The following IGFBP2 variants were observed in gnomAD, a reference collection of about 807,000 sequenced individuals.
IGFBP2 encodes the protein insulin like growth factor binding protein 2.
In IGFBP2, 12 loss-of-function variants were observed where a neutral mutation model predicts 26.2. That is an observed-to-expected ratio of 0.46 (90% CI 0.29 to 0.74). The LOEUF (loss-of-function observed/expected upper bound fraction) is 0.74. Ranked by LOEUF, IGFBP2 falls within the 30% of genes least tolerant of loss-of-function variation. The probability of loss-of-function intolerance (pLI) is 0.09; values close to 1 mark genes in which losing one functional copy is unlikely to be tolerated. For synonymous variants in IGFBP2, 189 were observed against 200.6 expected, an observed-to-expected ratio of 0.94 and a Z score of 0.49; for missense variants, 328 against 441.2, an observed-to-expected ratio of 0.74 and a Z score of 2.30.
At chr2:216,645,422 G>T (rs146994793) in intron 1 of IGFBP2, among the ~76,000 whole-genome samples, 1 of 152,304 alleles carries the variant, frequency 6.6e-6, no homozygotes, top group African/African-American at 2.4e-5. Flanking sequence ...AAGTGACCAG[G>T]TGCCATCTGG....
At chr2:216,653,063 T>A (rs1697857998) in intron 1 of IGFBP2, among the ~76,000 whole-genome samples, 1 of 152,196 alleles carries the variant, frequency 6.6e-6, no homozygotes, top group Admixed American at 6.5e-5. Context: ...CATGAGCTGT[T>A]AGGAAGATGT....
chr2:216,654,132 GGAGTTC>G (rs1163309730), intron 1 of IGFBP2, among the ~76,000 whole-genome samples: 1 of 152,194 alleles, frequency 6.6e-6, no homozygotes, highest in Non-Finnish European at 1.5e-5. Context: ...ATCTCTAGCT[GGAGTTC>G]GACATCTGGA....
At chr2:216,639,404 AT>A (rs1223538250) in intron 1 of IGFBP2, among the ~76,000 whole-genome samples, 1 of 152,128 alleles carries the variant, frequency 6.6e-6, no homozygotes, top group Non-Finnish European at 1.5e-5. Context: ...GAACAGGTAA[AT>A]ACCTATGATG....
chr2:216,641,908 T>A (rs1697623318), intron 1 of IGFBP2, among the ~76,000 whole-genome samples: 1 of 151,554 alleles, frequency 6.6e-6, no homozygotes. Context: ...GCCAGGATGG[T>A]CTCGATCTCC....
At chr2:216,649,355 T>A (rs1213338418) in intron 1 of IGFBP2, among the ~76,000 whole-genome samples, 1 of 152,260 alleles carries the variant, frequency 6.6e-6, no homozygotes, top group African/African-American at 2.4e-5. Flanking sequence ...TTGCTAATAG[T>A]GTTTTTACAA....
chr2:216,661,107 T>G, intron 2 of IGFBP2: 1 of 357,614 alleles, frequency 2.8e-6, no homozygotes, highest in Non-Finnish European at 5.2e-6. Context: ...TACTCTTTTT[T>G]TTTTCCTCCC....
intron 1 of IGFBP2, among the ~76,000 whole-genome samples, chr2:216,655,697 C>T (rs754253796): frequency 3.3e-5 from 5 of 152,076 alleles, no homozygotes; most frequent in Non-Finnish European, 5.9e-5. Context: ...GAGTTCAAGA[C>T]CAGCCTGGCC....
chr2:216,661,534 G>A, intron 2 of IGFBP2: 1 of 422,772 alleles, frequency 2.4e-6, no homozygotes, highest in Admixed American at 3.5e-5. Context: ...GGCATGGGGT[G>A]GGGGCATGGA....
chr2:216,664,134 G>A lies in IGFBP2; in HGVS notation c.*30G>A. The A allele has an allele frequency of 6.6e-7, 1 of 1,508,338 alleles. No individual in the cohort carries two copies. The highest frequency in any genetic ancestry group is 8.9e-7 in the Non-Finnish European group (1 of 1,122,468). The allele number at this position is 1,508,338 out of a possible 1,614,324, so 93.4% of individuals were successfully genotyped here. ...CAGCCAGCCGGTGCCTGGCGCCCCT[G>A]CCCCCCGCCCCTCTCCAAACACCGG... is the stretch of plus-strand genomic sequence containing the variant. On this transcript the variant is annotated 3_prime_UTR_variant, in exon 4 of 4. Transcript: ENST00000233809. This position sits in a 1 kb window ranked among gnomAD's most constrained non-coding sequence, Gnocchi z 4.6.
intron 1 of IGFBP2, among the ~76,000 whole-genome samples, chr2:216,658,047 G>A (rs1697951792): frequency 6.6e-6 from 1 of 152,164 alleles, no homozygotes. Flanking sequence ...GTAAGACATG[G>A]AAATCCCCAG....
At position 216,664,230 on chromosome 2, in the gene IGFBP2, G is replaced by A. The variant is rs1559182222; in HGVS notation, c.*126G>A. 1.3e-6 allele frequency: 1 copy of A among 771,948 alleles called. No individual in the cohort carries two copies. The highest frequency in any genetic ancestry group is 1.9e-6 in the Non-Finnish European group (1 of 513,194). The allele number at this position is 771,948 out of a possible 1,614,324, so 47.8% of individuals were successfully genotyped here. A position where few individuals can be genotyped will look rare whatever the true frequency, so the allele number is the denominator to read the frequency against. ...AGTTCTGACACACGTATTTATATTT[G>A]GAAAGAGACCAGCACCGAGCTCGGC... is the stretch of plus-strand genomic sequence containing the variant. On this transcript the variant is annotated 3_prime_UTR_variant, in exon 4 of 4. Coordinates refer to ENST00000233809, the MANE Select transcript of IGFBP2 (RefSeq NM_000597.3). The surrounding 1 kb of genome is among the most constrained non-coding windows in gnomAD (Gnocchi z 4.6).
rs145212210 is a variant in IGFBP2, at chr2:216,647,811, C to T, written c.443-12746C>T. 8.4e-3 allele frequency among the ~76,000 whole-genome samples: 1,275 copies of T among 152,244 alleles called. 23 individuals carry two copies. The highest frequency in any genetic ancestry group is 0.029 in the African/African-American group (1,201 of 41,542). Reference sequence around the variant, plus strand: ...CTGGGATTACAGGGGTGAGCCACTGCGCCCGGCCCTTATTTATTTGTTTTT... The same window carrying T: ...CTGGGATTACAGGGGTGAGCCACTGTGCCCGGCCCTTATTTATTTGTTTTT... On this transcript the variant is annotated intron_variant, in intron 1 of 3. Transcript: ENST00000233809.
At chr2:216,645,640 A>G (rs1359108259) in intron 1 of IGFBP2, among the ~76,000 whole-genome samples, 1 of 152,228 alleles carries the variant, frequency 6.6e-6, no homozygotes, top group Non-Finnish European at 1.5e-5. Flanking sequence ...GATTCTTGCA[A>G]TACAGGAGAA....
intron 1 of IGFBP2, among the ~76,000 whole-genome samples, chr2:216,652,323 G>A (rs1037257458): frequency 2.6e-5 from 4 of 152,186 alleles, no homozygotes; most frequent in South Asian, 2.1e-4. Context: ...ACAGGCATGC[G>A]CCACCATGCC....
At chr2:216,647,647 G>A (rs1010268619) in intron 1 of IGFBP2, among the ~76,000 whole-genome samples, 1 of 152,052 alleles carries the variant, frequency 6.6e-6, no homozygotes. Context: ...AGCCTCCTGA[G>A]TAGCTGGGAC....
chr2:216,655,212 A>G (rs1027612896), intron 1 of IGFBP2, among the ~76,000 whole-genome samples: 3 of 151,786 alleles, frequency 2.0e-5, no homozygotes, highest in Non-Finnish European at 4.4e-5. Flanking sequence ...ATGCCTGGCT[A>G]TTTTTTTATT....
chr2:216,639,194 G>T (rs575052589), intron 1 of IGFBP2, among the ~76,000 whole-genome samples: 12 of 151,818 alleles, frequency 7.9e-5, no homozygotes, highest in African/African-American at 2.9e-4. Context: ...CACCATACAC[G>T]GTTAATATTT....
chr2:216,661,368 C>T (rs911694669), intron 2 of IGFBP2: 22 of 282,368 alleles, frequency 7.8e-5, no homozygotes, highest in African/African-American at 1.1e-4. Context: ...CCTCCCGAAG[C>T]GCTGGGATTA....
intron 1 of IGFBP2, among the ~76,000 whole-genome samples, chr2:216,655,578 C>T (rs1433338495): frequency 2.0e-5 from 3 of 152,150 alleles, no homozygotes; most frequent in African/African-American, 7.2e-5. Flanking sequence ...TACCCAGTCT[C>T]AGGCAGTTTT....
Sources: gnomAD v4.1 joint callset for allele counts (sites outside exome capture counted in the v4.1 genomes callset) on GRCh38, gnomAD v4.1.1 for gene constraint, Gnocchi (gnomAD v3.1) non-coding constraint, MANE v1.5 for transcripts, NCBI Gene and HGNC (gene_info 2026-07-23, HGNC 2026-07-21) for gene names.